Variants in DHX16 observed in about 807,000 individuals in gnomAD.
DHX16 encodes the protein pre-mRNA-splicing factor ATP-dependent RNA helicase DHX16.
Under a neutral mutation model 131.2 loss-of-function variants are expected in DHX16, and 81 were observed. The observed-to-expected ratio is 0.62, with a 90% CI of 0.52 to 0.74. DHX16 has a LOEUF of 0.74. DHX16 is among the 30% of genes least tolerant of loss of function. DHX16 has a pLI of 0.00. For synonymous variants in DHX16, 440 were observed against 520.2 expected, an observed-to-expected ratio of 0.85 and a Z score of 2.10; for missense variants, 980 against 1,363.1, an observed-to-expected ratio of 0.72 and a Z score of 4.43.
Position 30,655,637 on chromosome 6 carries a change from A to T in DHX16, c.2499-40T>A, listed in dbSNP as rs1582927364. 10 of 1,607,306 alleles carry T rather than the reference A, an allele frequency of 6.2e-6. No homozygotes were observed. In the East Asian group the frequency reaches 2.2e-4, roughly 36 times the overall value. On this transcript the variant is annotated intron_variant, in intron 16 of 19. Coordinates refer to ENST00000376442, the MANE Select transcript of DHX16 (RefSeq NM_003587.5). ...GGAAAGCATGAGTTCAAAGCAAGACACATAGGAACAGATATGGTGGAGTGG... is the reference window on the plus strand; with the variant it reads ...GGAAAGCATGAGTTCAAAGCAAGACTCATAGGAACAGATATGGTGGAGTGG...
chr6:30,659,589 A>G lies in DHX16; in HGVS notation c.1890T>C (p.Asp630=), dbSNP rs551963979. ...TTTTGGAGCCCAGGCGGCGGCAGCG[A>G]TCCTGGAGCATCTCACAGGCAGCCT... is the stretch of plus-strand genomic sequence containing the variant. ...EIEAACEMLQ[D]RCRRLGSKIR... Residue 630 remains aspartate, a synonymous_variant, in exon 12 of 20, where the codon GAT becomes GAC. Transcript: ENST00000376442. 19 of 1,613,688 alleles carry G rather than the reference A, an allele frequency of 1.2e-5. No individual in the cohort carries two copies. In the Admixed American group the frequency reaches 1.3e-4, roughly 11 times the overall value.
Position 30,663,034 on chromosome 6 carries a change from G to GA in DHX16, c.1318-14dup. On this transcript the variant is annotated splice_polypyrimidine_tract_variant and intron_variant, in intron 7 of 19. Transcript: ENST00000376442. ...TGTTTGTATAACCCTGAATGACAAAGAAAAAAGAAGAAGTTTGCCCTTTAC... is the reference window on the plus strand; with the variant it reads ...TGTTTGTATAACCCTGAATGACAAAGAAAAAAAGAAGAAGTTTGCCCTTTAC... 7.6e-6 allele frequency: 12 copies of GA among 1,587,792 alleles called. No individual in the cohort carries two copies. Among genetic ancestry groups the GA allele is most frequent in the Non-Finnish European group, 1.0e-5 (12 of 1,167,808 alleles).
intron 9 of DHX16, 137 bp from the exon 10 acceptor site, chr6:30,660,379 G>T: frequency 1.5e-6 from 1 of 682,372 alleles, no homozygotes. Flanking sequence ...GCTCTAAGGA[G>T]AAGTCAGCCA....
intron 7 of DHX16, 26 bp from the exon 8 acceptor site, chr6:30,663,047 G>A: frequency 6.3e-7 from 1 of 1,578,664 alleles, no homozygotes; most frequent in Non-Finnish European, 8.6e-7. Context: ...AAAAGAAGAA[G>A]TTTGCCCTTT....
chr6:30,669,584 C>T (rs1430819084), intron 4 of DHX16, among the ~76,000 whole-genome samples: 2 of 151,536 alleles, frequency 1.3e-5, no homozygotes, highest in Admixed American at 6.6e-5. Flanking sequence ...GGTGAAACCC[C>T]GTCTCTACTA....
intron 12 of DHX16, 55 bp downstream of exon 12, chr6:30,659,417 T>G: frequency 6.5e-7 from 1 of 1,539,942 alleles, no homozygotes; most frequent in Non-Finnish European, 8.8e-7. Flanking sequence ...CACAGCTTTT[T>G]CACTACTAGT....
intron 12 of DHX16, among the ~76,000 whole-genome samples, chr6:30,658,111 A>G (rs1240028112): frequency 6.6e-6 from 1 of 152,222 alleles, no homozygotes; most frequent in Non-Finnish European, 1.5e-5. Context: ...TCAGCTGTCT[A>G]AAGTCCAAAC....
Position 30,659,823 on chromosome 6 carries a change from A to G in DHX16, c.1767T>C (p.Ala589=), listed in dbSNP as rs1768327380. 1 of 1,614,168 alleles carries G rather than the reference A, an allele frequency of 6.2e-7. No individual in the cohort carries two copies. Residue 589 remains alanine (A), a synonymous_variant, in exon 11 of 20, where the codon GCT becomes GCC. Transcript: ENST00000376442. Reference sequence around the variant, plus strand: ...ATACTACACAAGCTTCCAAGTAGTCAGCCTCTGGAGCCTGGAGAGCAGAAA... The same window carrying G: ...ATACTACACAAGCTTCCAAGTAGTCGGCCTCTGGAGCCTGGAGAGCAGAAA... The part of the protein sequence containing the change: ...VDIFYTKAPE[A]DYLEACVVSV...
rs1561977510 is a variant in DHX16, at chr6:30,659,579, G to A, written c.1900C>T (p.Arg634Cys). The A allele has an allele frequency of 9.3e-6, 15 of 1,613,480 alleles. 1 individual carries two copies. The highest frequency in any genetic ancestry group is 1.3e-5 in the African/African-American group (1 of 75,016). ...ACEMLQDRCR[R>C]LGSKIRELLV... ...AGCTCCCGGATTTTGGAGCCCAGGC[G>A]GCGGCAGCGATCCTGGAGCATCTCA... Residue 634 changes from arginine (R) to cysteine (C), a missense_variant, in exon 12 of 20, where the codon CGC becomes TGC. Physicochemically the swap from Arg to Cys is radical, Grantham distance 180. This residue lies in a region of DHX16 where 309 missense variants were observed against 537.1 expected (regional missense o/e 0.58). Transcript: ENST00000376442.
rs1373122051 is a variant in DHX16, at chr6:30,665,333, CCT to C, written c.922-61_922-60del. 1.9e-6 allele frequency: 3 copies of C among 1,592,688 alleles called. No homozygotes were observed. The East Asian group carries it at 6.7e-5, about 36-fold the overall frequency. ...ACAGGATGTCCTCTCTGCCCTCTCCCCTCTTCCCATTACTACCCCCGCCCACT... is the reference window on the plus strand; with the variant it reads ...ACAGGATGTCCTCTCTGCCCTCTCCCCTTCCCATTACTACCCCCGCCCACT... On this transcript the variant is annotated intron_variant, in intron 5 of 19. Transcript: ENST00000376442. This position sits in a 1 kb window ranked among gnomAD's most constrained non-coding sequence, Gnocchi z 4.8.
intron 4 of DHX16, among the ~76,000 whole-genome samples, chr6:30,669,881 A>C (rs920317054): frequency 6.6e-6 from 1 of 152,118 alleles, no homozygotes; most frequent in Non-Finnish European, 1.5e-5. Context: ...TCACACCATA[A>C]AAAGTCCAGT....
At position 30,669,644 on chromosome 6, in the gene DHX16, C is replaced by G. The variant is rs368537548; in HGVS notation, c.666+766G>C. ...TGGTGGTGTGCGCCTGTAATCCCAG[C>G]TACTCAGGAGGCGGAGGTTGCAGTG... On this transcript the variant is annotated intron_variant, in intron 4 of 19. Coordinates refer to ENST00000376442, the MANE Select transcript of DHX16 (RefSeq NM_003587.5). Among the ~76,000 whole-genome samples, 336 of 149,838 alleles carry G rather than the reference C, an allele frequency of 2.2e-3. 5 individuals are homozygous for G. Among genetic ancestry groups the G allele is most frequent in the Middle Eastern group, 0.014 (4 of 294 alleles).
Position 30,670,852 on chromosome 6 carries a change from C to G in DHX16, c.547G>C (p.Glu183Gln), listed in dbSNP as rs1175423625. The change falls in exon 3 of 20, where the codon GAG (glutamate) becomes CAG (glutamine). Residue 183 changes from glutamate to glutamine, a missense_variant. Glu to Gln is a conservative substitution (Grantham distance 29). Coordinates refer to ENST00000376442, the MANE Select transcript of DHX16 (RefSeq NM_003587.5). The surrounding 1 kb of genome is among the most constrained non-coding windows in gnomAD (Gnocchi z 4.4). ...TCCTTGTCCCGCTGTCGAACCCGCT[C>G]AGCAAAGGCATCACGCTCCTCCAGG... ...QDLEERDAFA[E>Q]RVRQRDKDRT... 6.2e-7 allele frequency: 1 copy of G among 1,613,090 alleles called. No individual in the cohort carries two copies. The highest frequency in any genetic ancestry group is 1.7e-5 in the Admixed American group (1 of 60,020).
At chr6:30,655,152 C>T in intron 18 of DHX16, 23 bp downstream of exon 18, 1 of 1,613,848 alleles carries the variant, frequency 6.2e-7, no homozygotes, top group Non-Finnish European at 8.5e-7. Flanking sequence ...GGGTGGAAAG[C>T]AGGAGGCTGA....
chr6:30,660,486 G>C (rs1430781372), intron 9 of DHX16: 2 of 413,340 alleles, frequency 4.8e-6, no homozygotes, highest in South Asian at 8.8e-5. Flanking sequence ...ACAAGATGTA[G>C]AGGCTGCACA....
In DHX16 at chr6:30,657,029, C is replaced by T; in HGVS notation, c.2071G>A (p.Asp691Asn). Residue 691 changes from aspartate to asparagine, a missense_variant, in exon 13 of 20, where the codon GAT (aspartate) becomes AAT (asparagine). Physicochemically the swap from Asp to Asn is conservative, Grantham distance 23. Transcript: ENST00000376442. ...LTIEGIIYVL[D>N]PGFCKQKSYN... ...CTCTTCTGCTTACAGAACCCTGGAT[C>T]CAGCACATAAATGATGCCCTCAATG... 1 of 1,613,074 alleles carries T rather than the reference C, an allele frequency of 6.2e-7. No individual in the cohort carries two copies. The highest frequency in any genetic ancestry group is 8.5e-7 in the Non-Finnish European group (1 of 1,180,030).
At chr6:30,657,380 T>C (rs1768086205) in intron 12 of DHX16, among the ~76,000 whole-genome samples, 1 of 150,644 alleles carries the variant, frequency 6.6e-6, no homozygotes, top group Non-Finnish European at 1.5e-5. Context: ...TCCTGCCCGA[T>C]CCTCCCCATC....
Position 30,662,807 on chromosome 6 carries a change from G to A in DHX16, c.1429-65C>T. The A allele has an allele frequency of 6.4e-7, 1 of 1,563,782 alleles. No homozygotes were observed. Among genetic ancestry groups the A allele is most frequent in the Admixed American group, 1.7e-5 (1 of 59,448 alleles). On this transcript the variant is annotated intron_variant, in intron 8 of 19. Transcript: ENST00000376442. The surrounding 1 kb of genome is among the most constrained non-coding windows in gnomAD (Gnocchi z 4.7). ...GTGCCCTGAAAGGAACTTGGGGAAAGGTGAAGTGGGGCAGCACCAAGACTT... is the reference window on the plus strand; with the variant it reads ...GTGCCCTGAAAGGAACTTGGGGAAAAGTGAAGTGGGGCAGCACCAAGACTT...
In DHX16 at chr6:30,659,761, T is replaced by A; in HGVS notation, c.1829A>T (p.Asp610Val). Residue 610 changes from aspartate to valine, a missense_variant, in exon 11 of 20, where the codon GAT (aspartate) becomes GTT (valine). Physicochemically the swap from Asp to Val is radical, Grantham distance 152 (BLOSUM62 -3). Around this residue, in one of 3 missense-constraint regions of DHX16, gnomAD observed 309 missense variants for 537.1 expected, o/e 0.58. Coordinates refer to ENST00000376442, the MANE Select transcript of DHX16 (RefSeq NM_003587.5). ...LQIHVTQPPG[D>V]ILVFLTGQEE... ...CTGTCCTGTCAGGAACACCAGGATA[T>A]CCCCAGGGGGCTGGGTCACATGGAT... is the stretch of plus-strand genomic sequence containing the variant. The A allele has an allele frequency of 6.2e-7, 1 of 1,614,074 alleles. No individual in the cohort carries two copies. Among genetic ancestry groups the A allele is most frequent in the Non-Finnish European group, 8.5e-7 (1 of 1,180,008 alleles).
Sources: gnomAD v4.1 joint callset for allele counts (sites outside exome capture counted in the v4.1 genomes callset) on GRCh38, gnomAD v4.1.1 for gene constraint, gnomAD v4.1.1 regional missense constraint, Gnocchi (gnomAD v3.1) non-coding constraint, MANE v1.5 for transcripts, NCBI Gene and HGNC (gene_info 2026-07-23, HGNC 2026-07-21) for gene names.